Variants in CCDC13 observed in about 807,000 individuals in gnomAD.
CCDC13 encodes the protein coiled-coil domain containing 13.
A neutral mutation model predicts 87.3 loss-of-function variants in CCDC13; 70 were observed. That is an observed-to-expected ratio of 0.80 (90% CI 0.66 to 0.98). CCDC13 has a LOEUF of 0.98. Ranked by LOEUF, CCDC13 falls within the 50% of genes least tolerant of loss-of-function variation. The probability of loss-of-function intolerance (pLI) is 0.00; values close to 1 mark genes in which losing one functional copy is unlikely to be tolerated. For missense variants in CCDC13, 842 were observed against 892.0 expected, an observed-to-expected ratio of 0.94 and a Z score of 0.71; for synonymous variants, 317 against 360.3, an observed-to-expected ratio of 0.88 and a Z score of 1.36.
chr3:42,747,414 C>CATGTAGGCAA, intron 5 of CCDC13, 41 bp from the exon 6 acceptor site: 15 of 1,357,610 alleles, frequency 1.1e-5, no homozygotes, highest in Non-Finnish European at 1.5e-5. Context: ...CATTTATTGC[C>CATGTAGGCAA]TACATGGGAA....
chr3:42,735,633 GAA>G, intron 10 of CCDC13, 72 bp downstream of exon 10: 1 of 1,488,976 alleles, frequency 6.7e-7, no homozygotes, highest in South Asian at 1.2e-5. Context: ...AAGGCAAGTG[GAA>G]AGAAGTGGAA....
intron 6 of CCDC13, 40 bp from the exon 7 acceptor site, chr3:42,746,067 G>A: frequency 7.0e-7 from 1 of 1,433,516 alleles, no homozygotes; most frequent in African/African-American, 1.4e-5. Context: ...CAAAAGAGAG[G>A]GCTCCACCAG....
intron 13 of CCDC13, among the ~76,000 whole-genome samples, chr3:42,722,371 G>A (rs976188978): frequency 6.6e-6 from 1 of 152,198 alleles, no homozygotes; most frequent in Non-Finnish European, 1.5e-5. Context: ...ATTTGAACAA[G>A]AGCAACTCCA....
chr3:42,735,932 G>A lies in CCDC13; in HGVS notation c.1165-19C>T, dbSNP rs765921290. The A allele has an allele frequency of 3.7e-6, 6 of 1,606,676 alleles. No homozygotes were observed. The Admixed American group carries it at 6.8e-5, about 18-fold the overall frequency. ...GCTGGTCCTGGGGGGCCAGGCAGGAGGGCAGGTGGAGTCAGTCATGGCCCT... is the reference window on the plus strand; with the variant it reads ...GCTGGTCCTGGGGGGCCAGGCAGGAAGGCAGGTGGAGTCAGTCATGGCCCT... On this transcript the variant is annotated intron_variant, in intron 9 of 15. Transcript: ENST00000310232.
chr3:42,767,590 A>G (rs1426185360), intron 1 of CCDC13, among the ~76,000 whole-genome samples: 1 of 152,248 alleles, frequency 6.6e-6, no homozygotes, highest in Admixed American at 6.5e-5. Flanking sequence ...AATTGATTCC[A>G]AAGTTTATGT....
At chr3:42,705,254 G>C (rs891121044), downstream of CCDC13, among the ~76,000 whole-genome samples, 5 of 152,156 alleles carry the variant, frequency 3.3e-5, no homozygotes, top group Non-Finnish European at 7.4e-5. Context: ...GGGAGGAGAA[G>C]CTTGTTCTGG....
In CCDC13 at chr3:42,708,938, C is replaced by T; in HGVS notation, c.*42G>A. ...AGACAGAGTCTTATCCTCTCAAGAC[C>T]TGAGGCTGCCCACCCGGCCAGGCCG... On this transcript the variant is annotated 3_prime_UTR_variant, in exon 16 of 16. Transcript: ENST00000310232. 1.3e-6 allele frequency: 2 copies of T among 1,579,730 alleles called. No individual in the cohort carries two copies. The highest frequency in any genetic ancestry group is 1.7e-6 in the Non-Finnish European group (2 of 1,164,508).
chr3:42,733,826 A>G (rs1698909714), intron 10 of CCDC13, among the ~76,000 whole-genome samples: 1 of 152,212 alleles, frequency 6.6e-6, no homozygotes, highest in South Asian at 2.1e-4. Flanking sequence ...TGGTGTGAGG[A>G]CGGTGACTGG....
At position 42,708,934 on chromosome 3, in the gene CCDC13, A is replaced by C. The variant is rs1698236432; in HGVS notation, c.*46T>G. The C allele has an allele frequency of 6.4e-7, 1 of 1,573,116 alleles. No homozygotes were observed. The highest frequency in any genetic ancestry group is 2.3e-5 in the East Asian group (1 of 43,896). Reference sequence around the variant, plus strand: ...CCTCAGACAGAGTCTTATCCTCTCAAGACCTGAGGCTGCCCACCCGGCCAG... The same window carrying C: ...CCTCAGACAGAGTCTTATCCTCTCACGACCTGAGGCTGCCCACCCGGCCAG... On this transcript the variant is annotated 3_prime_UTR_variant, in exon 16 of 16. Transcript: ENST00000310232.
rs1284334493 is a variant in CCDC13, at chr3:42,709,128, T to A, written c.2000A>T (p.Gln667Leu). Residue 667 changes from glutamine (Q) to leucine (L), a missense_variant, in exon 16 of 16, where the codon CAG (glutamine) becomes CTG (leucine). Physicochemically the swap from Gln to Leu is moderately radical, Grantham distance 113. Coordinates refer to ENST00000310232, the MANE Select transcript of CCDC13 (RefSeq NM_144719.4). ...CTTTAGCATTTCATTCTCCTCCACC[T>A]GGATGGCCAGCCTGGACCACAGGAG... ...MEELTTRLAI[Q>L]VEENEMLKAA... The A allele has an allele frequency of 1.9e-6, 3 of 1,611,286 alleles. No homozygotes were observed. Among genetic ancestry groups the A allele is most frequent in the Non-Finnish European group, 2.5e-6 (3 of 1,178,502 alleles).
At chr3:42,726,036 T>TTTG (rs1013205668) in intron 13 of CCDC13, among the ~76,000 whole-genome samples, 4 of 151,994 alleles carry the variant, frequency 2.6e-5, no homozygotes, top group Non-Finnish European at 5.9e-5. Flanking sequence ...ACAAGAGGGT[T>TTTG]TTGTTGTTGT....
rs1203409049 is a variant in CCDC13 at position 42,773,182 on chromosome 3, C to G, written c.-13G>C. ...CGCTCTCCCCGGCACTTACAGCGGT[C>G]TCTCTCCACTTCTCCCTTCTAGGAC... is the stretch of plus-strand genomic sequence containing the variant. On this transcript the variant is annotated 5_prime_UTR_variant, in exon 1 of 16. Coordinates refer to ENST00000310232, the MANE Select transcript of CCDC13 (RefSeq NM_144719.4). 6.6e-6 allele frequency: 1 copy of G among 152,234 alleles called. No homozygotes were observed. The highest frequency in any genetic ancestry group is 2.4e-5 in the African/African-American group (1 of 41,448). The allele number at this position is 152,234 out of a possible 1,614,324, so 9.4% of individuals were successfully genotyped here.
intron 3 of CCDC13, among the ~76,000 whole-genome samples, chr3:42,753,552 A>G (rs549810129): frequency 7.9e-5 from 12 of 152,366 alleles, no homozygotes; most frequent in Middle Eastern, 3.4e-3. Context: ...AATTTAAAAC[A>G]TCAAAGAAAT....
chr3:42,751,835 G>C, intron 5 of CCDC13, 101 bp downstream of exon 5: 2 of 1,042,782 alleles, frequency 1.9e-6, no homozygotes, highest in Non-Finnish European at 1.5e-6. Context: ...TTGGGGGTTG[G>C]GGGTGGACCT....
intron 3 of CCDC13, among the ~76,000 whole-genome samples, chr3:42,754,709 C>T (rs948660308): frequency 4.6e-5 from 7 of 152,298 alleles, no homozygotes; most frequent in Admixed American, 3.3e-4. Flanking sequence ...GGTACGTTTC[C>T]TCCCAGGACT....
rs1256544372 is a variant in CCDC13, at chr3:42,713,105, T to C, written c.1873+57A>G. Reference sequence around the variant, plus strand: ...GAACAGTGCAGCTGCCTGGCTCCTCTGTTAGCAGCAACACTGCCTCCACCC... The same window carrying C: ...GAACAGTGCAGCTGCCTGGCTCCTCCGTTAGCAGCAACACTGCCTCCACCC... On this transcript the variant is annotated intron_variant, in intron 14 of 15. Coordinates refer to ENST00000310232, the MANE Select transcript of CCDC13 (RefSeq NM_144719.4). The C allele has an allele frequency of 3.8e-6, 6 of 1,578,478 alleles. No homozygotes were observed. The African/African-American group carries it at 6.7e-5, about 18-fold the overall frequency.
intron 13 of CCDC13, among the ~76,000 whole-genome samples, chr3:42,728,651 T>C (rs1698747961): frequency 6.6e-6 from 1 of 152,114 alleles, no homozygotes; most frequent in Non-Finnish European, 1.5e-5. Context: ...TTAAACCAAA[T>C]AGATTTGAGG....
At chr3:42,738,603 GTTC>G (rs1699107914) in intron 9 of CCDC13, among the ~76,000 whole-genome samples, 1 of 152,122 alleles carries the variant, frequency 6.6e-6, no homozygotes, top group South Asian at 2.1e-4. Context: ...GTGGTTTGTA[GTTC>G]TTCTTGAAGA....
chr3:42,769,131 G>A (rs12488173), intron 1 of CCDC13, among the ~76,000 whole-genome samples: 145,137 of 152,234 alleles, frequency 0.95, 69,591 homozygotes, highest in East Asian at 1. Flanking sequence ...AGAGTGAAAC[G>A]CCGTTTCAAA....
Sources: allele counts gnomAD v4.1 joint callset (sites outside exome capture counted in the v4.1 genomes callset), GRCh38; gene constraint gnomAD v4.1.1; transcripts MANE v1.5; gene names NCBI Gene and HGNC (gene_info 2026-07-23, HGNC 2026-07-21).